Variants in PRDM5 observed in about 807,000 individuals in gnomAD.
PRDM5 encodes PR/SET domain 5.
A neutral mutation model predicts 81.2 loss-of-function variants in PRDM5; 56 were observed. That is an observed-to-expected ratio of 0.69 (90% CI 0.56 to 0.86). The LOEUF is 0.86. Ranked by LOEUF, PRDM5 falls within the 40% of genes least tolerant of loss-of-function variation. PRDM5 has a pLI of 0.00. For synonymous variants in PRDM5, 267 were observed against 256.4 expected (o/e 1.04, Z -0.39); for missense variants, 697 against 770.1 (o/e 0.91, Z 1.12).
chr4:120,753,929 T>C (rs1158693462), intron 14 of PRDM5, among the ~76,000 whole-genome samples: 1 of 152,194 alleles, frequency 6.6e-6, no homozygotes, highest in Non-Finnish European at 1.5e-5. Flanking sequence ...AGTAAGCTGC[T>C]TACATTTTTT....
chr4:120,766,115 A>G (rs1233742513), intron 13 of PRDM5, among the ~76,000 whole-genome samples: 1 of 151,994 alleles, frequency 6.6e-6, no homozygotes, highest in African/African-American at 2.4e-5. Context: ...GTGCACCACC[A>G]CGCCCAGCTA....
chr4:120,724,801 C>T (rs953349952), intron 14 of PRDM5, among the ~76,000 whole-genome samples: 1 of 152,178 alleles, frequency 6.6e-6, no homozygotes, highest in Non-Finnish European at 1.5e-5. Context: ...AGCTAATTCA[C>T]CCATGACTAA....
At chr4:120,860,770 C>G (rs1416640290) in intron 2 of PRDM5, among the ~76,000 whole-genome samples, 2 of 152,012 alleles carry the variant, frequency 1.3e-5, no homozygotes, top group African/African-American at 4.8e-5. Flanking sequence ...TTTATTTTGT[C>G]AATATTGTTA....
chr4:120,860,007 A>G (rs1033708291), intron 2 of PRDM5, among the ~76,000 whole-genome samples: 1 of 152,226 alleles, frequency 6.6e-6, no homozygotes, highest in Non-Finnish European at 1.5e-5. Flanking sequence ...CTATTGAAGC[A>G]GCTTAAAAAT....
chr4:120,874,114 A>C (rs1762114665), intron 2 of PRDM5, among the ~76,000 whole-genome samples: 1 of 152,170 alleles, frequency 6.6e-6, no homozygotes, highest in Non-Finnish European at 1.5e-5. Context: ...TAGAATATTC[A>C]AAATGCGCCC....
intron 1 of PRDM5, among the ~76,000 whole-genome samples, chr4:120,915,278 T>C (rs1026990303): frequency 6.6e-6 from 1 of 152,126 alleles, no homozygotes; most frequent in Admixed American, 6.6e-5. Flanking sequence ...CTGTGGCCAG[T>C]GCCCTACTCC....
chr4:120,746,441 A>G (rs1042121437), intron 14 of PRDM5, among the ~76,000 whole-genome samples: 4 of 145,558 alleles, frequency 2.7e-5, no homozygotes, highest in African/African-American at 1.0e-4. Flanking sequence ...ATGGGATCTA[A>G]TTAAACTAAA....
At chr4:120,772,735 T>C (rs915974891) in intron 13 of PRDM5, among the ~76,000 whole-genome samples, 1 of 152,152 alleles carries the variant, frequency 6.6e-6, no homozygotes, top group Admixed American at 6.5e-5. Flanking sequence ...CCTTCAAGAG[T>C]ATTTGTTCCC....
At chr4:120,740,967 G>A (rs1303694163) in intron 14 of PRDM5, among the ~76,000 whole-genome samples, 1 of 152,164 alleles carries the variant, frequency 6.6e-6, no homozygotes, top group Non-Finnish European at 1.5e-5. Flanking sequence ...ATCTGTAGGT[G>A]TGCACTTTGC....
intron 14 of PRDM5, among the ~76,000 whole-genome samples, chr4:120,723,157 G>A (rs1021819148): frequency 6.6e-6 from 1 of 152,102 alleles, no homozygotes; most frequent in Admixed American, 6.6e-5. Context: ...GACAATGAAC[G>A]AAAAATTCAA....
chr4:120,720,795 T>C (rs1334163535), intron 14 of PRDM5, among the ~76,000 whole-genome samples: 3 of 152,204 alleles, frequency 2.0e-5, no homozygotes, highest in Admixed American at 2.0e-4. Flanking sequence ...TTATAACTCT[T>C]AGGAAGCTAG....
chr4:120,824,256 T>C (rs1755669198), intron 3 of PRDM5, among the ~76,000 whole-genome samples: 1 of 152,242 alleles, frequency 6.6e-6, no homozygotes, highest in Admixed American at 6.5e-5. Context: ...AATAACCTTG[T>C]GGTTCAGATT....
chr4:120,750,073 G>A (rs370214571), intron 14 of PRDM5, among the ~76,000 whole-genome samples: 1 of 152,314 alleles, frequency 6.6e-6, no homozygotes, highest in Middle Eastern at 3.4e-3. Flanking sequence ...TAGAGCACCT[G>A]AAAGTGGCTA....
intron 1 of PRDM5, among the ~76,000 whole-genome samples, chr4:120,685,735 T>C (rs1226474738): frequency 6.6e-6 from 1 of 152,154 alleles, no homozygotes; most frequent in Non-Finnish European, 1.5e-5. Flanking sequence ...AAATCTGTTT[T>C]GTTTAAAAAA....
intron 14 of PRDM5, among the ~76,000 whole-genome samples, chr4:120,747,157 C>T (rs1473882164): frequency 1.3e-5 from 2 of 149,948 alleles, no homozygotes; most frequent in African/African-American, 4.9e-5. Flanking sequence ...AATTGGAAAC[C>T]ATCATTCTCA....
At chr4:120,859,651 A>G (rs1278720420) in intron 2 of PRDM5, among the ~76,000 whole-genome samples, 4 of 152,214 alleles carry the variant, frequency 2.6e-5, no homozygotes, top group Non-Finnish European at 4.4e-5. Context: ...ATTATAAGGT[A>G]GTAGCAAACC....
At chr4:120,770,644 C>T (rs1267234894) in intron 13 of PRDM5, among the ~76,000 whole-genome samples, 2 of 151,800 alleles carry the variant, frequency 1.3e-5, no homozygotes. Flanking sequence ...AGGTTGTGTC[C>T]AGCCTGGACA....
rs72921522 is a variant in PRDM5, at chr4:120,761,175, C to T, written c.1538-6537G>A. 3.4e-3 allele frequency among the ~76,000 whole-genome samples: 519 copies of T among 152,268 alleles called. 2 individuals are homozygous for T. The highest frequency in any genetic ancestry group is 0.012 in the African/African-American group (478 of 41,542). ...AGATGGAAGTAGCTTAAAAGCTACA[C>T]TATTTGAAATGTGTGTGGGGAATAT... On this transcript the variant is annotated intron_variant, in intron 13 of 15. Transcript: ENST00000264808.
intron 3 of PRDM5, among the ~76,000 whole-genome samples, chr4:120,847,192 C>A (rs1179879723): frequency 1.3e-5 from 2 of 152,148 alleles, no homozygotes; most frequent in Admixed American, 6.5e-5. Context: ...TCCAGACCAT[C>A]ATGTAGTCCC....
Sources: gnomAD v4.1 joint callset for allele counts (sites outside exome capture counted in the v4.1 genomes callset) on GRCh38, gnomAD v4.1.1 for gene constraint, MANE v1.5 for transcripts, NCBI Gene and HGNC (gene_info 2026-07-23, HGNC 2026-07-21) for gene names.